ZFPM2: variants seen among roughly 807,000 people sequenced by gnomAD.
ZFPM2 encodes zinc finger protein ZFPM2.
A neutral mutation model predicts 98.6 loss-of-function variants in ZFPM2; 20 were observed. That is an observed-to-expected ratio of 0.20 (90% CI 0.14 to 0.29). The LOEUF is 0.29. Among genes scored for constraint, ZFPM2 ranks in the 10% least tolerant of loss-of-function variants. ZFPM2 has a pLI of 1.00. For missense variants in ZFPM2, 1,310 were observed against 1,388.6 expected (o/e 0.94, Z 0.90); for synonymous variants, 518 against 502.7 (o/e 1.03, Z -0.41).
At chr8:105,599,009 AC>A (rs1816033334) in intron 4 of ZFPM2, among the ~76,000 whole-genome samples, 7 of 152,170 alleles carry the variant, frequency 4.6e-5, no homozygotes, top group Admixed American at 3.9e-4. Context: ...TTCTAATCAC[AC>A]TAGCTAGCAT....
At chr8:105,602,134 C>G (rs980706190) in intron 4 of ZFPM2, among the ~76,000 whole-genome samples, 3 of 152,024 alleles carry the variant, frequency 2.0e-5, no homozygotes, top group African/African-American at 7.2e-5. Context: ...CATTGAAAAC[C>G]CTAAGGAAAA....
chr8:105,376,866 C>A (rs148015319), intron 1 of ZFPM2, among the ~76,000 whole-genome samples: 7 of 152,292 alleles, frequency 4.6e-5, no homozygotes, highest in Non-Finnish European at 8.8e-5. Context: ...ATAAAGTAAT[C>A]TTTTAAAATA....
intron 4 of ZFPM2, among the ~76,000 whole-genome samples, chr8:105,599,471 A>AT (rs1816046558): frequency 6.6e-6 from 1 of 151,706 alleles, no homozygotes. Context: ...GGTCAGCAAG[A>AT]TATCATTAGC....
chr8:105,539,949 G>C (rs1046740435), intron 3 of ZFPM2, among the ~76,000 whole-genome samples: 3 of 152,052 alleles, frequency 2.0e-5, no homozygotes, highest in African/African-American at 7.2e-5. Context: ...TATATGCAGA[G>C]GTTATTATGG....
At chr8:105,361,815 TAC>T in intron 1 of ZFPM2, among the ~76,000 whole-genome samples, 2 of 151,450 alleles carry the variant, frequency 1.3e-5, no homozygotes, top group African/African-American at 4.9e-5. Context: ...AAGATAATAT[TAC>T]CATATTTTTA....
chr8:105,320,778 G>A lies in ZFPM2; in HGVS notation c.40+1797G>A, dbSNP rs1364301392. Among the ~76,000 whole-genome samples the A allele has an allele frequency of 3.3e-5, 5 of 152,076 alleles. No individual in the cohort carries two copies. In the South Asian group the frequency reaches 8.3e-4, roughly 25 times the overall value. Reference sequence around the variant, plus strand: ...CCACCTCATATAATTGAAGATTAAAGCATTGAAACTAATTGCTGATGCTAC... The same window carrying A: ...CCACCTCATATAATTGAAGATTAAAACATTGAAACTAATTGCTGATGCTAC... On this transcript the variant is annotated intron_variant, in intron 1 of 7. Transcript: ENST00000407775.
intron 5 of ZFPM2, among the ~76,000 whole-genome samples, chr8:105,709,354 A>G (rs764978162): frequency 6.6e-6 from 1 of 152,312 alleles, no homozygotes; most frequent in South Asian, 2.1e-4. Context: ...GGCCTTAGGC[A>G]TATCTTAATG....
chr8:105,800,299 T>A (rs6990997), intron 7 of ZFPM2, among the ~76,000 whole-genome samples: 1 of 151,890 alleles, frequency 6.6e-6, no homozygotes, highest in African/African-American at 2.4e-5. Context: ...CTAGAGTCAA[T>A]CTTAGTGATG....
chr8:105,600,458 CT>C (rs936881826), intron 4 of ZFPM2, among the ~76,000 whole-genome samples: 5 of 151,842 alleles, frequency 3.3e-5, no homozygotes, highest in African/African-American at 1.2e-4. Flanking sequence ...AGAGGGATTT[CT>C]TTTTTTCAAT....
intron 5 of ZFPM2, among the ~76,000 whole-genome samples, chr8:105,651,843 T>C (rs1037471546): frequency 2.0e-5 from 3 of 152,182 alleles, no homozygotes; most frequent in Non-Finnish European, 4.4e-5. Context: ...CAGAAATTAC[T>C]CATGTGGAAA....
At chr8:105,449,193 A>G (rs1414991483) in intron 3 of ZFPM2, among the ~76,000 whole-genome samples, 1 of 152,044 alleles carries the variant, frequency 6.6e-6, no homozygotes, top group Middle Eastern at 3.2e-3. Flanking sequence ...GTCTGGTACA[A>G]TATTGCATGA....
chr8:105,374,855 T>C (rs1379949187), intron 1 of ZFPM2, among the ~76,000 whole-genome samples: 1 of 151,952 alleles, frequency 6.6e-6, no homozygotes, highest in African/African-American at 2.4e-5. Flanking sequence ...ATATTCTTTG[T>C]AGGGTAGCTC....
intron 1 of ZFPM2, chr8:105,387,685 C>G (rs1310509564): frequency 6.4e-6 from 1 of 156,808 alleles, no homozygotes; most frequent in Non-Finnish European, 1.4e-5. Context: ...CCACACCTCC[C>G]CGCAAGCTGA....
intron 3 of ZFPM2, among the ~76,000 whole-genome samples, chr8:105,450,961 G>C (rs1268476397): frequency 6.6e-6 from 1 of 151,392 alleles, no homozygotes; most frequent in Non-Finnish European, 1.5e-5. Flanking sequence ...ATAGAATTAG[G>C]ACAGACATAA....
At chr8:105,469,808 G>A (rs1419207432) in intron 3 of ZFPM2, among the ~76,000 whole-genome samples, 1 of 152,082 alleles carries the variant, frequency 6.6e-6, no homozygotes, top group African/African-American at 2.4e-5. Flanking sequence ...TTTGTGCATG[G>A]GTTATATATT....
At chr8:105,408,570 A>G (rs1302129209) in intron 1 of ZFPM2, among the ~76,000 whole-genome samples, 1 of 151,916 alleles carries the variant, frequency 6.6e-6, no homozygotes, top group East Asian at 1.9e-4. Context: ...GAGATCTCTC[A>G]CAATGGAAAT....
intron 5 of ZFPM2, among the ~76,000 whole-genome samples, chr8:105,647,773 A>G (rs1817079767): frequency 6.6e-6 from 1 of 152,114 alleles, no homozygotes; most frequent in Non-Finnish European, 1.5e-5. Context: ...AATCCAGTCT[A>G]TCATTGATGG....
intron 5 of ZFPM2, among the ~76,000 whole-genome samples, chr8:105,697,994 G>T (rs988350833): frequency 1.3e-5 from 2 of 152,146 alleles, no homozygotes; most frequent in African/African-American, 4.8e-5. Context: ...TTCATTTTCA[G>T]ATCTCTGAAT....
intron 5 of ZFPM2, among the ~76,000 whole-genome samples, chr8:105,731,580 A>C (rs1811940242): frequency 1.3e-5 from 2 of 151,666 alleles, no homozygotes; most frequent in Non-Finnish European, 2.9e-5. Context: ...AAAGTTTCTG[A>C]GCGAACTTTG....
Sources: gnomAD v4.1 joint callset for allele counts (sites outside exome capture counted in the v4.1 genomes callset) on GRCh38, gnomAD v4.1.1 for gene constraint, MANE v1.5 for transcripts, NCBI Gene and HGNC (gene_info 2026-07-23, HGNC 2026-07-21) for gene names.